Variants in IGHMBP2 observed in about 807,000 individuals in gnomAD.
The protein encoded by IGHMBP2 is DNA-binding protein SMUBP-2.
In IGHMBP2, 81 loss-of-function variants were observed where a neutral mutation model predicts 96.0. The ratio of observed to expected loss-of-function variants is 0.84; its 90% CI spans 0.71 to 1.01. The LOEUF (loss-of-function observed/expected upper bound fraction) is 1.01, where lower values mean the gene tolerates loss of function less well. IGHMBP2 is among the 50% of genes least tolerant of loss of function. The probability of loss-of-function intolerance (pLI) is 0.00; values close to 1 mark genes in which losing one functional copy is unlikely to be tolerated. For missense variants in IGHMBP2, 1,227 were observed against 1,306.3 expected (o/e 0.94, Z 0.94); for synonymous variants, 557 against 548.9 (o/e 1.01, Z -0.21).
chr11:68,919,483 T>C (rs908134483), intron 7 of IGHMBP2, among the ~76,000 whole-genome samples: 1 of 152,248 alleles, frequency 6.6e-6, no homozygotes, highest in Non-Finnish European at 1.5e-5. Flanking sequence ...TCAGAGGACA[T>C]ACTCTCATGA....
intron 2 of IGHMBP2, 105 bp from the exon 3 acceptor site, chr11:68,908,040 G>T: frequency 1.0e-5 from 10 of 981,016 alleles, no homozygotes; most frequent in Non-Finnish European, 1.6e-5. Context: ...ATTTACTAAA[G>T]AAAGTAACAA....
At chr11:68,922,386 T>C (rs1214127038) in intron 7 of IGHMBP2, among the ~76,000 whole-genome samples, 1 of 152,146 alleles carries the variant, frequency 6.6e-6, no homozygotes, top group African/African-American at 2.4e-5. Context: ...TGATTTGCCC[T>C]GGTGCTATTT....
At chr11:68,908,405 C>A in intron 3 of IGHMBP2, 68 bp downstream of exon 3, 1 of 1,517,516 alleles carries the variant, frequency 6.6e-7, no homozygotes, top group Non-Finnish European at 9.1e-7. Context: ...TTCTTACATG[C>A]CTGTCGCACA....
intron 2 of IGHMBP2, among the ~76,000 whole-genome samples, chr11:68,907,022 G>A (rs1566424036): frequency 6.6e-6 from 1 of 152,024 alleles, no homozygotes; most frequent in Admixed American, 6.5e-5. Flanking sequence ...CACTTTGGGA[G>A]GCCGAGGTGG....
intron 10 of IGHMBP2, 67 bp from the exon 11 acceptor site, chr11:68,934,397 C>T (rs984040208): frequency 5.8e-5 from 64 of 1,110,276 alleles, no homozygotes; most frequent in East Asian, 2.5e-4. Flanking sequence ...GCCCGAAACA[C>T]GTGTTGGTGG....
In IGHMBP2 at chr11:68,903,973, G is replaced by C; in HGVS notation, c.21G>C (p.Glu7Asp). 2 of 1,556,782 alleles carry C rather than the reference G, an allele frequency of 1.3e-6. No individual in the cohort carries two copies. Among genetic ancestry groups the C allele is most frequent in the South Asian group, 2.3e-5 (2 of 85,420 alleles). MASAAV[E>D]SFVTKQLDLL... ...CGGCGATGGCCTCGGCAGCTGTGGA[G>C]AGCTTCGTGACCAAGCAACTGGACC... The change falls in exon 1 of 15, where the codon GAG (glutamate) becomes GAC (aspartate). Residue 7 changes from glutamate (E) to aspartate (D), a missense_variant. Glu to Asp is a conservative substitution (Grantham distance 45). This residue lies in a region of IGHMBP2 where 507 missense variants were observed against 496.9 expected (regional missense o/e 1.02). Coordinates refer to ENST00000255078, the MANE Select transcript of IGHMBP2 (RefSeq NM_002180.3).
At chr11:68,917,999 G>T in intron 7 of IGHMBP2, 116 bp downstream of exon 7, 1 of 1,210,394 alleles carries the variant, frequency 8.3e-7, no homozygotes, top group Non-Finnish European at 1.2e-6. Flanking sequence ...TTAAAAGTTG[G>T]GTAGGGTTCA....
intron 2 of IGHMBP2, among the ~76,000 whole-genome samples, chr11:68,907,393 G>C (rs1244742733): frequency 6.6e-6 from 1 of 152,186 alleles, no homozygotes; most frequent in African/African-American, 2.4e-5. Flanking sequence ...TGCCAAGCAT[G>C]CTTTGGCTAA....
chr11:68,920,597 C>T (rs906201708), intron 7 of IGHMBP2, among the ~76,000 whole-genome samples: 3 of 152,214 alleles, frequency 2.0e-5, no homozygotes, highest in Non-Finnish European at 4.4e-5. Context: ...ATTCTCCCAC[C>T]TCAGCCTCCT....
chr11:68,934,340 G>A, intron 10 of IGHMBP2, 124 bp from the exon 11 acceptor site: 2 of 738,970 alleles, frequency 2.7e-6, no homozygotes, highest in Non-Finnish European at 2.4e-6. Context: ...TAGCTCCCAG[G>A]AAGCCACCTG....
intron 4 of IGHMBP2, among the ~76,000 whole-genome samples, chr11:68,909,921 C>T (rs902974237): frequency 2.0e-5 from 3 of 152,188 alleles, no homozygotes; most frequent in Non-Finnish European, 2.9e-5. Context: ...CGTGAGCCAC[C>T]GTGCCCGGTC....
chr11:68,933,905 G>A lies in IGHMBP2; in HGVS notation c.1529G>A (p.Gly510Glu), dbSNP rs772984773. The change falls in exon 10 of 15, where the codon GGG becomes GAG. Residue 510 changes from glycine to glutamate, a missense_variant. Gly to Glu is a moderately conservative substitution (Grantham distance 98). Coordinates refer to ENST00000255078, the MANE Select transcript of IGHMBP2 (RefSeq NM_002180.3). ...GAGGAGGAGGACGAACAGTCGAAAG[G>A]GAACCCTGGTGAGCTTGCTTGCAGA... ...ELEEEDEQSKGNPGEVRLVSL... is the reference protein window; with the variant it reads ...ELEEEDEQSKENPGEVRLVSL... The A allele has an allele frequency of 2.5e-6, 4 of 1,590,598 alleles. No individual in the cohort carries two copies. The highest frequency in any genetic ancestry group is 2.3e-5 in the South Asian group (2 of 88,092).
chr11:68,908,360 C>G (rs1422605422), intron 3 of IGHMBP2, 23 bp downstream of exon 3: 2 of 1,599,508 alleles, frequency 1.3e-6, no homozygotes, highest in Non-Finnish European at 1.7e-6. Flanking sequence ...GACTGGAAAT[C>G]CTAAGTACCA....
At chr11:68,936,216 C>A (rs772756122) in intron 12 of IGHMBP2, 21 bp from the exon 13 acceptor site, 9 of 1,613,282 alleles carry the variant, frequency 5.6e-6, no homozygotes, top group African/African-American at 1.3e-5. Flanking sequence ...CTGCTTCTCA[C>A]TCCCCTCTGG....
intron 6 of IGHMBP2, among the ~76,000 whole-genome samples, chr11:68,916,099 G>A (rs1858656513): frequency 7.2e-6 from 1 of 139,130 alleles, no homozygotes; most frequent in African/African-American, 2.5e-5. Flanking sequence ...TCTTGAACCT[G>A]GGAGGTGGAG....
chr11:68,930,507 G>T, intron 8 of IGHMBP2: 1 of 1,269,922 alleles, frequency 7.9e-7, no homozygotes, highest in Non-Finnish European at 1.0e-6. Context: ...AATAAAGATG[G>T]TGGAAGAAAG....
chr11:68,939,963 G>C lies in IGHMBP2; in HGVS notation c.*232G>C. 1 of 576,298 alleles carries C rather than the reference G, an allele frequency of 1.7e-6. No homozygotes were observed. Among genetic ancestry groups the C allele is most frequent in the South Asian group, 2.1e-5 (1 of 46,762 alleles). The allele number at this position is 576,298 out of a possible 1,614,324, so 35.7% of individuals were successfully genotyped here. A position where few individuals can be genotyped will look rare whatever the true frequency, so the allele number is the denominator to read the frequency against. ...AACAGTGCTCGTGCAGGTGGGGCTTGGGAAATGCACGTCCCTTCCCCTTAC... is the reference window on the plus strand; with the variant it reads ...AACAGTGCTCGTGCAGGTGGGGCTTCGGAAATGCACGTCCCTTCCCCTTAC... On this transcript the variant is annotated 3_prime_UTR_variant, in exon 15 of 15. Coordinates refer to ENST00000255078, the MANE Select transcript of IGHMBP2 (RefSeq NM_002180.3).
intron 7 of IGHMBP2, 36 bp downstream of exon 7, chr11:68,917,919 G>A (rs1245126751): frequency 5.0e-6 from 8 of 1,608,244 alleles, no homozygotes; most frequent in Non-Finnish European, 5.1e-6. Context: ...GTGTGGCCTC[G>A]AAGAAGGAGT....
intron 5 of IGHMBP2, among the ~76,000 whole-genome samples, chr11:68,914,291 T>TC (rs148315511): frequency 3.0e-5 from 2 of 67,358 alleles, no homozygotes; most frequent in African/African-American, 4.2e-5. Flanking sequence ...GCAATTTGTT[T>TC]CAAAAAAAAA....
Sources: gnomAD v4.1 joint callset for allele counts (sites outside exome capture counted in the v4.1 genomes callset) on GRCh38, gnomAD v4.1.1 for gene constraint, gnomAD v4.1.1 regional missense constraint, MANE v1.5 for transcripts, NCBI Gene and HGNC (gene_info 2026-07-23, HGNC 2026-07-21) for gene names.